CSRNP3: variants seen among roughly 807,000 people sequenced by gnomAD.
CSRNP3 encodes cysteine/serine-rich nuclear protein 3.
A neutral mutation model predicts 48.0 loss-of-function variants in CSRNP3; 12 were observed. The observed-to-expected ratio is 0.25, with a 90% CI of 0.16 to 0.41. The LOEUF is 0.41. Ranked by LOEUF, CSRNP3 falls within the 10% of genes least tolerant of loss-of-function variation. The pLI, the probability that CSRNP3 is intolerant of heterozygous loss-of-function variation, is 1.00. For missense variants in CSRNP3, 580 were observed against 724.4 expected, an observed-to-expected ratio of 0.80 and a Z score of 2.29; for synonymous variants, 263 against 269.7, an observed-to-expected ratio of 0.98 and a Z score of 0.24.
intron 4 of CSRNP3, among the ~76,000 whole-genome samples, chr2:165,629,945 C>T (rs1441551822): frequency 1.3e-5 from 2 of 152,124 alleles, no homozygotes; most frequent in Non-Finnish European, 2.9e-5. Context: ...TCTAGAGGAC[C>T]CCAAGCTGAT....
chr2:165,551,093 A>C (rs1685090173), intron 3 of CSRNP3, among the ~76,000 whole-genome samples: 1 of 151,742 alleles, frequency 6.6e-6, no homozygotes. Context: ...TCATTCTTTG[A>C]TTCCAAATAT....
intron 5 of CSRNP3, among the ~76,000 whole-genome samples, chr2:165,671,116 A>T (rs1687321000): frequency 6.6e-6 from 1 of 152,208 alleles, no homozygotes; most frequent in Admixed American, 6.5e-5. Flanking sequence ...AGAAAAGCAT[A>T]CTGAAAGAGG....
chr2:165,543,106 C>A (rs2105253921), intron 3 of CSRNP3, among the ~76,000 whole-genome samples: 1 of 152,186 alleles, frequency 6.6e-6, no homozygotes, highest in South Asian at 2.1e-4. Flanking sequence ...GCTGAAGTAT[C>A]CATTGACTCA....
chr2:165,492,213 T>C (rs1684222144), intron 1 of CSRNP3, among the ~76,000 whole-genome samples: 2 of 152,166 alleles, frequency 1.3e-5, no homozygotes, highest in South Asian at 4.1e-4. Context: ...CCTTCTTTAT[T>C]GTAGACCCTC....
intron 1 of CSRNP3, among the ~76,000 whole-genome samples, chr2:165,490,030 A>T (rs1351575631): frequency 1.3e-5 from 2 of 152,168 alleles, no homozygotes; most frequent in East Asian, 3.9e-4. Flanking sequence ...AGATGACATG[A>T]TTGTTTATCT....
At chr2:165,565,930 C>G (rs1164918802) in intron 3 of CSRNP3, among the ~76,000 whole-genome samples, 4 of 151,964 alleles carry the variant, frequency 2.6e-5, no homozygotes, top group Admixed American at 6.6e-5. Context: ...AATAAGCACT[C>G]TTTGTTCTTT....
intron 4 of CSRNP3, among the ~76,000 whole-genome samples, chr2:165,597,798 T>C (rs1413249257): frequency 6.6e-6 from 1 of 152,100 alleles, no homozygotes; most frequent in Non-Finnish European, 1.5e-5. Flanking sequence ...TAACAAATGT[T>C]TTAAAGCATT....
chr2:165,572,358 T>C (rs1365646641), intron 3 of CSRNP3: 1 of 152,082 alleles, frequency 6.6e-6, no homozygotes, highest in Admixed American at 6.6e-5. Context: ...GCTGATGCCG[T>C]GCAGCAAGCA....
chr2:165,677,784 CTGAGACAATTG>C (rs1019238089), intron 6 of CSRNP3, among the ~76,000 whole-genome samples: 62 of 152,280 alleles, frequency 4.1e-4, no homozygotes, highest in African/African-American at 1.4e-3. Context: ...TCTGTGGAAT[CTGAGACAATTG>C]GTAAATCTCT....
intron 1 of CSRNP3, among the ~76,000 whole-genome samples, chr2:165,479,093 T>C (rs1352095450): frequency 6.6e-6 from 1 of 152,190 alleles, no homozygotes; most frequent in African/African-American, 2.4e-5. Context: ...ACTTTTTCTG[T>C]AAAGATAATT....
intron 3 of CSRNP3, among the ~76,000 whole-genome samples, chr2:165,583,965 G>A (rs892321862): frequency 6.6e-6 from 1 of 152,112 alleles, no homozygotes; most frequent in South Asian, 2.1e-4. Flanking sequence ...CTCATAGACA[G>A]GGTAGGGCTT....
chr2:165,477,520 T>TATA (rs1558911089), intron 1 of CSRNP3, among the ~76,000 whole-genome samples: 3 of 144,902 alleles, frequency 2.1e-5, no homozygotes, highest in Admixed American at 7.0e-5. Context: ...TATATATATA[T>TATA]TAGCCAGGTG....
intron 2 of CSRNP3, among the ~76,000 whole-genome samples, chr2:165,502,759 GTC>G (rs60183337): frequency 1.9e-4 from 28 of 148,646 alleles, no homozygotes; most frequent in Admixed American, 2.7e-4. Context: ...CTCTTCCCCT[GTC>G]TCTCTCTCTC....
chr2:165,477,323 A>G (rs2105445889), intron 1 of CSRNP3, among the ~76,000 whole-genome samples: 1 of 151,606 alleles, frequency 6.6e-6, no homozygotes. Context: ...GGTATGTAAT[A>G]TTAAGAAATT....
chr2:165,636,296 A>T (rs1573934742), intron 4 of CSRNP3, among the ~76,000 whole-genome samples: 1 of 152,352 alleles, frequency 6.6e-6, no homozygotes, highest in East Asian at 1.9e-4. Flanking sequence ...GAATAAATAA[A>T]TATGAATGCA....
intron 3 of CSRNP3, chr2:165,574,381 G>A (rs1251015402): frequency 6.5e-7 from 1 of 1,550,350 alleles, no homozygotes; most frequent in East Asian, 2.4e-5. Context: ...TTATTTCTGA[G>A]AGTGAAGATT....
intron 4 of CSRNP3, among the ~76,000 whole-genome samples, chr2:165,629,693 A>T (rs1431395158): frequency 6.6e-6 from 1 of 152,224 alleles, no homozygotes; most frequent in Non-Finnish European, 1.5e-5. Context: ...AGAAATGAAG[A>T]TATCTCGATA....
chr2:165,627,674 ACT>A (rs1686461175), intron 4 of CSRNP3, among the ~76,000 whole-genome samples: 1 of 151,684 alleles, frequency 6.6e-6, no homozygotes, highest in South Asian at 2.1e-4. Context: ...CCTAAACAAA[ACT>A]CTCTGTCCAC....
At chr2:165,558,713 G>GT (rs1345935906) in intron 3 of CSRNP3, among the ~76,000 whole-genome samples, 1 of 152,070 alleles carries the variant, frequency 6.6e-6, no homozygotes, top group Non-Finnish European at 1.5e-5. Context: ...AAAAATTAAA[G>GT]TAAACAGCAT....
Sources: allele counts gnomAD v4.1 joint callset (sites outside exome capture counted in the v4.1 genomes callset), GRCh38; gene constraint gnomAD v4.1.1; transcripts MANE v1.5; gene names NCBI Gene and HGNC (gene_info 2026-07-23, HGNC 2026-07-21).